Variants in LECT2 observed in about 807,000 individuals in gnomAD.
The protein encoded by LECT2 is leukocyte cell derived chemotaxin 2, also known as leukocyte cell-derived chemotaxin-2.
In LECT2, 11 loss-of-function variants were observed where a neutral mutation model predicts 16.6. That is an observed-to-expected ratio of 0.66 (90% CI 0.42 to 1.09). The LOEUF (loss-of-function observed/expected upper bound fraction) is 1.09, where lower values mean the gene tolerates loss of function less well. LECT2 is among the 50% of genes least tolerant of loss of function. LECT2 has a pLI of 0.00. For missense variants in LECT2, 173 were observed against 184.2 expected (o/e 0.94, Z 0.35); for synonymous variants, 54 against 64.8 (o/e 0.83, Z 0.80).
intron 3 of LECT2, among the ~76,000 whole-genome samples, chr5:135,949,205 T>C (rs1431268845): frequency 6.6e-6 from 1 of 152,196 alleles, no homozygotes; most frequent in South Asian, 2.1e-4. Flanking sequence ...TTTAAAAATA[T>C]TAGTTCTCAA....
intron 3 of LECT2, 36 bp from the exon 4 acceptor site, chr5:135,947,533 T>A (rs977691): frequency 0.26 from 383,254 of 1,483,792 alleles, 50,353 homozygotes; most frequent in South Asian, 0.32. Flanking sequence ...TATCTGGGCT[T>A]CAGTAATCTT....
intron 1 of LECT2, among the ~76,000 whole-genome samples, chr5:135,954,342 T>A (rs537397176): frequency 6.6e-6 from 1 of 152,338 alleles, no homozygotes; most frequent in Non-Finnish European, 1.5e-5. Context: ...TTGAGGCAAA[T>A]ATCAGACAGT....
rs537777631 is a variant in LECT2, at chr5:135,947,299, T to C, written c.*32A>G. 5 of 1,597,136 alleles carry C rather than the reference T, an allele frequency of 3.1e-6. No homozygotes were observed. The highest frequency in any genetic ancestry group is 2.2e-5 in the South Asian group (2 of 89,060). ...GCATCCAGGTTTTTAAGATGACTTT[T>C]TATTTTGAAGATCTGACCATTGGCC... is the stretch of plus-strand genomic sequence containing the variant. On this transcript the variant is annotated 3_prime_UTR_variant, in exon 4 of 4. Transcript: ENST00000274507.
chr5:135,951,434 A>G (rs1450789501), intron 2 of LECT2, 66 bp from the exon 3 acceptor site: 11 of 1,464,734 alleles, frequency 7.5e-6, no homozygotes, highest in African/African-American at 2.8e-5. Flanking sequence ...GCCTGGGAAC[A>G]TGGTGTTAGC....
chr5:135,952,935 C>A lies in LECT2; in HGVS notation c.79G>T (p.Gly27Cys). The change falls in exon 2 of 4, where the codon GGC (glycine) becomes TGC (cysteine). Residue 27 changes from glycine (G) to cysteine (C), a missense_variant. Coordinates refer to ENST00000274507, the MANE Select transcript of LECT2 (RefSeq NM_002302.3). ...LAGPWANICAGKSSNEIRTCD... is the reference protein window; with the variant it reads ...LAGPWANICACKSSNEIRTCD... Reference sequence around the variant, plus strand: ...GTCCGGATCTCATTGGAAGACTTGCCAGCACATATATTAGCCCATGGCCCT... The same window carrying A: ...GTCCGGATCTCATTGGAAGACTTGCAAGCACATATATTAGCCCATGGCCCT... The A allele has an allele frequency of 6.2e-7, 1 of 1,614,102 alleles. No homozygotes were observed. Among genetic ancestry groups the A allele is most frequent in the Non-Finnish European group, 8.5e-7 (1 of 1,179,938 alleles).
chr5:135,950,373 T>G (rs1763772722), intron 3 of LECT2, among the ~76,000 whole-genome samples: 1 of 152,220 alleles, frequency 6.6e-6, no homozygotes, highest in Admixed American at 6.5e-5. Flanking sequence ...ATTTATACCA[T>G]TTTTAGAAAC....
rs1372733499 is a variant in LECT2, at chr5:135,954,353, G to A, written c.46+435C>T. Among the ~76,000 whole-genome samples the A allele has an allele frequency of 2.6e-5, 4 of 152,208 alleles. No homozygotes were observed. In the East Asian group the frequency reaches 5.8e-4, roughly 22 times the overall value. The stretch of plus-strand genomic sequence containing the variant: ...GGAATTGAGGCAAATATCAGACAGT[G>A]TAGTAATTTATTCACTTTTTCCTCC... On this transcript the variant is annotated intron_variant, in intron 1 of 3. Coordinates refer to ENST00000274507, the MANE Select transcript of LECT2 (RefSeq NM_002302.3).
chr5:135,954,291 A>G (rs1490688726), intron 1 of LECT2, among the ~76,000 whole-genome samples: 2 of 152,216 alleles, frequency 1.3e-5, no homozygotes, highest in Non-Finnish European at 2.9e-5. Context: ...TGATCAAGAT[A>G]TAATCCCATC....
At chr5:135,953,542 T>G (rs113306730) in intron 1 of LECT2, among the ~76,000 whole-genome samples, 4,686 of 152,306 alleles carry the variant, frequency 0.031, 246 homozygotes, top group African/African-American at 0.11. Context: ...CATTATACTT[T>G]GCTTCAGATC....
At chr5:135,951,541 C>T in intron 2 of LECT2, 173 bp from the exon 3 acceptor site, 1 of 536,604 alleles carries the variant, frequency 1.9e-6, no homozygotes. Flanking sequence ...TTTAACCTCC[C>T]TCCCCGCAGG....
intron 2 of LECT2, among the ~76,000 whole-genome samples, chr5:135,951,804 A>C (rs972496985): frequency 2.0e-5 from 3 of 152,182 alleles, no homozygotes; most frequent in African/African-American, 7.2e-5. Context: ...TGATCTAGAA[A>C]AGTGATTGTA....
intron 1 of LECT2, 89 bp downstream of exon 1, chr5:135,954,699 C>T: frequency 1.1e-6 from 1 of 877,224 alleles, no homozygotes; most frequent in Non-Finnish European, 1.9e-6. Flanking sequence ...TGTGATCATG[C>T]TATTAATGAC....
At chr5:135,953,928 G>A (rs765613408) in intron 1 of LECT2, among the ~76,000 whole-genome samples, 12 of 152,136 alleles carry the variant, frequency 7.9e-5, no homozygotes, top group Non-Finnish European at 1.5e-4. Flanking sequence ...TGGAGGAGGG[G>A]CTGCTTTCTC....
intron 3 of LECT2, among the ~76,000 whole-genome samples, chr5:135,949,917 A>G (rs1763767134): frequency 6.6e-6 from 1 of 152,214 alleles, no homozygotes; most frequent in Non-Finnish European, 1.5e-5. Flanking sequence ...TGAGATTTAG[A>G]CGAATCTGAT....
intron 2 of LECT2, among the ~76,000 whole-genome samples, chr5:135,952,003 T>C (rs565395958): frequency 3.1e-4 from 47 of 152,164 alleles, no homozygotes; most frequent in Non-Finnish European, 5.4e-4. Flanking sequence ...TACCTTCTAA[T>C]AGGCTGTCAC....
At chr5:135,952,271 T>G (rs1763806191) in intron 2 of LECT2, among the ~76,000 whole-genome samples, 1 of 152,214 alleles carries the variant, frequency 6.6e-6, no homozygotes. Context: ...GTGATATGAC[T>G]GGACACATGG....
intron 1 of LECT2, among the ~76,000 whole-genome samples, chr5:135,953,948 G>C (rs1479389913): frequency 6.6e-6 from 1 of 152,124 alleles, no homozygotes; most frequent in Non-Finnish European, 1.5e-5. Flanking sequence ...CAGCAGACTT[G>C]GTGCAAACTT....
In LECT2 at chr5:135,947,544, G is replaced by T. The variant is rs960495251; in HGVS notation, c.290-47C>A. The stretch of plus-strand genomic sequence containing the variant: ...TATTTATCTGGGCTTCAGTAATCTT[G>T]AATCTGAAATTAAAAAAATAACAAA... On this transcript the variant is annotated intron_variant, in intron 3 of 3. Coordinates refer to ENST00000274507, the MANE Select transcript of LECT2 (RefSeq NM_002302.3). The T allele has an allele frequency of 4.2e-6, 6 of 1,429,522 alleles. No individual in the cohort carries two copies. The East Asian group carries it at 1.2e-4, about 29-fold the overall frequency. The allele number at this position is 1,429,522 out of a possible 1,614,324, so 88.6% of individuals were successfully genotyped here.
In LECT2 at chr5:135,947,295, C is replaced by T; in HGVS notation, c.*36G>A. ...GTATGCATCCAGGTTTTTAAGATGACTTTTTATTTTGAAGATCTGACCATT... is the reference window on the plus strand; with the variant it reads ...GTATGCATCCAGGTTTTTAAGATGATTTTTTATTTTGAAGATCTGACCATT... On this transcript the variant is annotated 3_prime_UTR_variant, in exon 4 of 4. Transcript: ENST00000274507. The T allele has an allele frequency of 6.3e-7, 1 of 1,592,560 alleles. No individual in the cohort carries two copies. The highest frequency in any genetic ancestry group is 8.6e-7 in the Non-Finnish European group (1 of 1,165,892).
Sources: gnomAD v4.1 joint callset for allele counts (sites outside exome capture counted in the v4.1 genomes callset) on GRCh38, gnomAD v4.1.1 for gene constraint, MANE v1.5 for transcripts, NCBI Gene and HGNC (gene_info 2026-07-23, HGNC 2026-07-21) for gene names.